Variants in FHOD1 observed in about 807,000 individuals in gnomAD.
The protein encoded by FHOD1 is FH1/FH2 domain-containing protein 1.
FHOD1 carries 89 observed loss-of-function variants against 111.6 expected under a neutral mutation model. That is an observed-to-expected ratio of 0.80 (90% CI 0.67 to 0.95). The LOEUF (loss-of-function observed/expected upper bound fraction) is 0.95. Among genes scored for constraint, FHOD1 ranks in the 40% least tolerant of loss-of-function variants. The pLI, the probability that FHOD1 is intolerant of heterozygous loss-of-function variation, is 0.00. For synonymous variants in FHOD1, 618 were observed against 639.0 expected, an observed-to-expected ratio of 0.97 and a Z score of 0.50; for missense variants, 1,446 against 1,554.2, an observed-to-expected ratio of 0.93 and a Z score of 1.17.
intron 1 of FHOD1, 48 bp from the exon 2 acceptor site, chr16:67,239,502 G>T: frequency 7.0e-7 from 1 of 1,420,688 alleles, no homozygotes; most frequent in Non-Finnish European, 9.9e-7. Context: ...GGTGGCAGGC[G>T]AATGTATGAA....
At chr16:67,233,534 A>G (rs1036653103) in intron 13 of FHOD1, 123 bp downstream of exon 13, 3 of 1,347,512 alleles carry the variant, frequency 2.2e-6, no homozygotes, top group Admixed American at 2.9e-5. Flanking sequence ...ACAATTTCCT[A>G]CTCCTTTCTT....
intron 13 of FHOD1, among the ~76,000 whole-genome samples, chr16:67,233,075 TA>T (rs2034339564): frequency 6.7e-6 from 1 of 148,736 alleles, no homozygotes; most frequent in South Asian, 2.1e-4. Context: ...TTTTAACATT[TA>T]TTTATTTTTA....
At chr16:67,239,073 G>A in intron 2 of FHOD1, 106 bp from the exon 3 acceptor site, 1 of 1,111,436 alleles carries the variant, frequency 9.0e-7, no homozygotes, top group Non-Finnish European at 1.3e-6. Context: ...AGCCCAGCTT[G>A]TTCCTCCCAG....
intron 17 of FHOD1, 61 bp from the exon 18 acceptor site, chr16:67,230,852 G>A (rs945723969): frequency 9.3e-6 from 14 of 1,504,328 alleles, no homozygotes; most frequent in East Asian, 4.5e-5. Flanking sequence ...GACATGGCCC[G>A]AGGCTGCTTC....
chr16:67,230,817 C>G, intron 17 of FHOD1, 26 bp from the exon 18 acceptor site: 2 of 1,560,646 alleles, frequency 1.3e-6, no homozygotes, highest in Non-Finnish European at 1.7e-6. Flanking sequence ...GGTGCACATA[C>G]TGTCCCCCCA....
chr16:67,238,479 G>A lies in FHOD1; in HGVS notation c.374-32C>T, dbSNP rs1460802985. On this transcript the variant is annotated intron_variant, in intron 3 of 21. Transcript: ENST00000258201. This position sits in a 1 kb window ranked among gnomAD's most constrained non-coding sequence, Gnocchi z 4.2. ...AAGGTAGGGTATAAAACCCTTGATG[G>A]ACACAGACTCACTGTCTTCCTCTGC... The A allele has an allele frequency of 6.3e-7, 1 of 1,579,482 alleles. No homozygotes were observed. Among genetic ancestry groups the A allele is most frequent in the Non-Finnish European group, 8.7e-7 (1 of 1,152,418 alleles).
intron 1 of FHOD1, among the ~76,000 whole-genome samples, chr16:67,241,343 C>G (rs2034662653): frequency 6.6e-6 from 1 of 152,130 alleles, no homozygotes; most frequent in Admixed American, 6.5e-5. Context: ...CCAGGGCCAG[C>G]TCAGCTGAGG....
Position 67,237,937 on chromosome 16 carries a change from G to T in FHOD1, c.642+97C>A. 1.4e-6 allele frequency: 2 copies of T among 1,410,442 alleles called. No individual in the cohort carries two copies. Among genetic ancestry groups the T allele is most frequent in the South Asian group, 1.2e-5 (1 of 83,210 alleles). The allele number at this position is 1,410,442 out of a possible 1,614,324, so 87.4% of individuals were successfully genotyped here. A position where few individuals can be genotyped will look rare whatever the true frequency, so the allele number is the denominator to read the frequency against. ...GCCTTATAGGCTTACAGAGGCCTCA[G>T]ACTCACTCCCTTCCAGCTCACTTTG... On this transcript the variant is annotated intron_variant, in intron 6 of 21. Coordinates refer to ENST00000258201, the MANE Select transcript of FHOD1 (RefSeq NM_013241.3). The surrounding 1 kb of genome is among the most constrained non-coding windows in gnomAD (Gnocchi z 5.6).
In FHOD1 at chr16:67,236,951, G is replaced by A. The variant is rs1187545107; in HGVS notation, c.1142+15C>T. On this transcript the variant is annotated intron_variant, in intron 10 of 21. Coordinates refer to ENST00000258201, the MANE Select transcript of FHOD1 (RefSeq NM_013241.3). ...GTAGATCCACCCTTTCCCATCTACA[G>A]ATGCTCGTACTTACCCAGGTTCCGG... 6.8e-7 allele frequency: 1 copy of A among 1,462,666 alleles called. No homozygotes were observed. Among genetic ancestry groups the A allele is most frequent in the Admixed American group, 2.0e-5 (1 of 50,144 alleles). 90.6% of individuals were successfully genotyped at this position (1,462,666 alleles called of 1,614,324 possible). A position where few individuals can be genotyped will look rare whatever the true frequency, so the allele number is the denominator to read the frequency against.
At chr16:67,236,083 A>C (rs1230523451) in intron 11 of FHOD1, 1 of 959,838 alleles carries the variant, frequency 1.0e-6, no homozygotes, top group East Asian at 1.1e-4. Flanking sequence ...GGTAGGGGGG[A>C]TGAGAGGAAG....
At position 67,231,155 on chromosome 16, in the gene FHOD1, G is replaced by A; in HGVS notation, c.2667+33C>T. ...CAGGAAGCAGCGCTCCTCATGCCTTGTCCGGCCTTGGTTGATTCTGGCAGG... is the reference window on the plus strand; with the variant it reads ...CAGGAAGCAGCGCTCCTCATGCCTTATCCGGCCTTGGTTGATTCTGGCAGG... On this transcript the variant is annotated intron_variant, in intron 17 of 21. Coordinates refer to ENST00000258201, the MANE Select transcript of FHOD1 (RefSeq NM_013241.3). The surrounding 1 kb of genome is among the most constrained non-coding windows in gnomAD (Gnocchi z 4.3). 6.2e-7 allele frequency: 1 copy of A among 1,611,424 alleles called. No individual in the cohort carries two copies. The highest frequency in any genetic ancestry group is 1.1e-5 in the South Asian group (1 of 90,768).
chr16:67,237,833 G>C lies in FHOD1; in HGVS notation c.643-65C>G. ...CAGACCTGTGCCAGCTGTTGCTGGGGAAGGGGAAGGGCTGCTGGGGCTGGA... is the reference window on the plus strand; with the variant it reads ...CAGACCTGTGCCAGCTGTTGCTGGGCAAGGGGAAGGGCTGCTGGGGCTGGA... On this transcript the variant is annotated intron_variant, in intron 6 of 21. Coordinates refer to ENST00000258201, the MANE Select transcript of FHOD1 (RefSeq NM_013241.3). This position sits in a 1 kb window ranked among gnomAD's most constrained non-coding sequence, Gnocchi z 5.6. 1 of 1,472,596 alleles carries C rather than the reference G, an allele frequency of 6.8e-7. No homozygotes were observed. Among genetic ancestry groups the C allele is most frequent in the East Asian group, 2.3e-5 (1 of 44,100 alleles). 91.2% of individuals were successfully genotyped at this position (1,472,596 alleles called of 1,614,324 possible).
At position 67,231,077 on chromosome 16, in the gene FHOD1, G is replaced by C. The variant is rs2034248507; in HGVS notation, c.2667+111C>G. The C allele has an allele frequency of 7.1e-7, 1 of 1,411,204 alleles. No individual in the cohort carries two copies. The highest frequency in any genetic ancestry group is 9.7e-7 in the Non-Finnish European group (1 of 1,033,012). 87.4% of individuals were successfully genotyped at this position (1,411,204 alleles called of 1,614,324 possible). A position where few individuals can be genotyped will look rare whatever the true frequency, so the allele number is the denominator to read the frequency against. On this transcript the variant is annotated intron_variant, in intron 17 of 21. Coordinates refer to ENST00000258201, the MANE Select transcript of FHOD1 (RefSeq NM_013241.3). This position sits in a 1 kb window ranked among gnomAD's most constrained non-coding sequence, Gnocchi z 4.3. Reference sequence around the variant, plus strand: ...GGCATAGCTCACACCCAGGTGGCTGGAGCAAGCCCTGGCACAGCAGCCCAA... The same window carrying C: ...GGCATAGCTCACACCCAGGTGGCTGCAGCAAGCCCTGGCACAGCAGCCCAA...
intron 10 of FHOD1, 30 bp downstream of exon 10, chr16:67,236,928 AGATCCACC>A (rs3057565): frequency 0.033 from 50,879 of 1,541,230 alleles, 1,229 homozygotes; most frequent in South Asian, 0.072. Context: ...CATGCCTAGT[AGATCCACC>A]CTTTCCCATC....
At position 67,234,420 on chromosome 16, in the gene FHOD1, G is replaced by T; in HGVS notation, c.1372C>A (p.Leu458Met). Residue 458 changes from leucine to methionine, a missense_variant, in exon 12 of 22, where the codon CTG (leucine) becomes ATG (methionine). Around this residue, in one of 3 missense-constraint regions of FHOD1, gnomAD observed 1,085 missense variants for 1,108.8 expected, o/e 0.98. Coordinates refer to ENST00000258201, the MANE Select transcript of FHOD1 (RefSeq NM_013241.3). ...AGTGTCTCTGCCCGGCCCTGGGCCA[G>T]CGCAACCTGCTTCTCTGTTTCTGCT... ...AAAETEKQVALAQGRAETLAG... is the reference protein window; with the variant it reads ...AAAETEKQVAMAQGRAETLAG... The T allele has an allele frequency of 6.2e-7, 1 of 1,608,838 alleles. No individual in the cohort carries two copies.
At chr16:67,236,043 T>C (rs553250152) in intron 11 of FHOD1, 1 of 983,460 alleles carries the variant, frequency 1.0e-6, no homozygotes, top group African/African-American at 1.8e-5. Context: ...AGGAGGGGAC[T>C]GGGGGACGGG....
At chr16:67,232,283 CA>C in intron 13 of FHOD1, 89 bp from the exon 14 acceptor site, 1 of 1,372,272 alleles carries the variant, frequency 7.3e-7, no homozygotes, top group Non-Finnish European at 1.0e-6. Context: ...TTTGGGAGGC[CA>C]AGGCGGGTGG....
At position 67,229,733 on chromosome 16, in the gene FHOD1, C is replaced by G; in HGVS notation, c.3413-15G>C. On this transcript the variant is annotated splice_polypyrimidine_tract_variant and intron_variant, in intron 21 of 21. Transcript: ENST00000258201. Reference sequence around the variant, plus strand: ...CGTCCTTCTCACTGCAGGGACAGAGCAGGGTTGGAGGGGGTTGATGGGGTT... The same window carrying G: ...CGTCCTTCTCACTGCAGGGACAGAGGAGGGTTGGAGGGGGTTGATGGGGTT... 6.2e-7 allele frequency: 1 copy of G among 1,614,084 alleles called. No individual in the cohort carries two copies. The highest frequency in any genetic ancestry group is 8.5e-7 in the Non-Finnish European group (1 of 1,179,940).
At chr16:67,236,186 T>C (rs1231186278) in intron 11 of FHOD1, 1 of 417,694 alleles carries the variant, frequency 2.4e-6, no homozygotes, top group African/African-American at 2.2e-5. Context: ...CAGTGGGAAG[T>C]GGGGGAAGGT....
Sources: allele counts gnomAD v4.1 joint callset (sites outside exome capture counted in the v4.1 genomes callset), GRCh38; gene constraint gnomAD v4.1.1; regional missense constraint gnomAD v4.1.1; non-coding constraint Gnocchi (gnomAD v3.1); transcripts MANE v1.5; gene names NCBI Gene and HGNC (gene_info 2026-07-23, HGNC 2026-07-21).